Variants in GGACT observed in about 807,000 individuals in gnomAD.
GGACT encodes gamma-glutamylamine cyclotransferase.
For synonymous variants in GGACT, 118 were observed against 115.3 expected (o/e 1.02, Z -0.15); for missense variants, 241 against 233.2 (o/e 1.03, Z -0.22).
chr13:100,577,791 A>G (rs1031970547), intron 2 of GGACT, among the ~76,000 whole-genome samples: 1 of 152,014 alleles, frequency 6.6e-6, no homozygotes, highest in Admixed American at 6.6e-5. Context: ...GGGAAAAAAA[A>G]GAGAGAAAGG....
chr13:100,548,621 C>T (rs1411088874), intron 2 of GGACT, among the ~76,000 whole-genome samples: 1 of 152,192 alleles, frequency 6.6e-6, no homozygotes. Flanking sequence ...AGGATCAAGT[C>T]CCCTGGAGAG....
chr13:100,573,189 C>T (rs1469321107), intron 2 of GGACT, among the ~76,000 whole-genome samples: 1 of 152,178 alleles, frequency 6.6e-6, no homozygotes, highest in Non-Finnish European at 1.5e-5. Context: ...TAGCTCTCCA[C>T]AAGTCCTTAC....
intron 2 of GGACT, chr13:100,539,726 T>A: frequency 1.6e-6 from 1 of 610,122 alleles, no homozygotes; most frequent in Non-Finnish European, 2.9e-6. Context: ...TGTTCCTTCT[T>A]CTTCATTCTT....
At chr13:100,533,283 A>T (rs1278765187) in intron 2 of GGACT, 2 of 153,406 alleles carry the variant, frequency 1.3e-5, no homozygotes, top group Non-Finnish European at 2.9e-5. Context: ...AGCACAGCCC[A>T]TACCTTACTG....
At chr13:100,550,659 G>A (rs1202062285) in intron 2 of GGACT, among the ~76,000 whole-genome samples, 1 of 152,194 alleles carries the variant, frequency 6.6e-6, no homozygotes, top group Non-Finnish European at 1.5e-5. Flanking sequence ...CCACGCACAG[G>A]CCACTCCCGA....
At chr13:100,564,053 C>T (rs570486671) in intron 2 of GGACT, among the ~76,000 whole-genome samples, 6 of 152,278 alleles carry the variant, frequency 3.9e-5, no homozygotes, top group South Asian at 4.1e-4. Flanking sequence ...GGGCTCCCCA[C>T]GCCTGTTGAG....
chr13:100,557,406 T>A (rs1161041373), intron 2 of GGACT, among the ~76,000 whole-genome samples: 1 of 152,106 alleles, frequency 6.6e-6, no homozygotes, highest in Non-Finnish European at 1.5e-5. Context: ...ATTACTTCAA[T>A]TAAAAAACAA....
chr13:100,542,571 A>G (rs1348855556), intron 2 of GGACT, among the ~76,000 whole-genome samples: 2 of 152,192 alleles, frequency 1.3e-5, no homozygotes, highest in Admixed American at 1.3e-4. Flanking sequence ...GGCACTGAAC[A>G]TCTCTGCAGA....
intron 2 of GGACT, chr13:100,578,915 A>T (rs1382006448): frequency 6.6e-6 from 1 of 152,238 alleles, no homozygotes; most frequent in Non-Finnish European, 1.5e-5. Flanking sequence ...AGATGACAAC[A>T]GCAGGAAGAG....
intron 2 of GGACT, among the ~76,000 whole-genome samples, chr13:100,552,247 T>A (rs2088671137): frequency 6.6e-6 from 1 of 152,240 alleles, no homozygotes; most frequent in African/African-American, 2.4e-5. Flanking sequence ...ATTCACAAAC[T>A]GGGCCTCCAA....
At chr13:100,557,003 C>T (rs931693556) in intron 2 of GGACT, among the ~76,000 whole-genome samples, 1 of 152,100 alleles carries the variant, frequency 6.6e-6, no homozygotes, top group African/African-American at 2.4e-5. Context: ...GATTCTCATG[C>T]CTCAGCCTCC....
At chr13:100,539,591 T>C (rs1676512150) in intron 2 of GGACT, 1 of 398,206 alleles carries the variant, frequency 2.5e-6, no homozygotes, top group Admixed American at 4.2e-5. Flanking sequence ...AATGTGTTGT[T>C]GAATTCTGTT....
At chr13:100,560,336 A>T (rs971458007) in intron 2 of GGACT, among the ~76,000 whole-genome samples, 5 of 152,220 alleles carry the variant, frequency 3.3e-5, no homozygotes, top group African/African-American at 9.6e-5. Flanking sequence ...AAGTCCTTTG[A>T]TCCCCCAGGA....
At chr13:100,543,238 C>T (rs779696937) in intron 2 of GGACT, among the ~76,000 whole-genome samples, 19 of 92,400 alleles carry the variant, frequency 2.1e-4, no homozygotes, top group Admixed American at 3.4e-4. Flanking sequence ...GACGGAGTGT[C>T]GCTCTGTCAC....
intron 2 of GGACT, among the ~76,000 whole-genome samples, chr13:100,555,984 C>T (rs922208305): frequency 1.1e-4 from 17 of 152,270 alleles, no homozygotes; most frequent in African/African-American, 3.4e-4. Context: ...AGGACATCCT[C>T]GATCTACTAA....
intron 1 of GGACT, among the ~76,000 whole-genome samples, chr13:100,585,109 C>G (rs1051459364): frequency 6.6e-6 from 1 of 152,282 alleles, no homozygotes; most frequent in African/African-American, 2.4e-5. Context: ...AGAAGCAAGC[C>G]AAACCACACT....
chr13:100,555,222 A>G (rs561358275), intron 2 of GGACT, among the ~76,000 whole-genome samples: 2 of 152,318 alleles, frequency 1.3e-5, no homozygotes, highest in South Asian at 2.1e-4. Flanking sequence ...AATCAAAGAC[A>G]TTGGTAGAAA....
At chr13:100,544,361 C>T (rs565137831) in intron 2 of GGACT, among the ~76,000 whole-genome samples, 2 of 152,340 alleles carry the variant, frequency 1.3e-5, no homozygotes, top group East Asian at 1.9e-4. Flanking sequence ...CTCGGGGCAA[C>T]GTGCCAGGGA....
intron 2 of GGACT, chr13:100,541,916 A>AATAAT (rs760477117): frequency 4.6e-5 from 7 of 152,254 alleles, no homozygotes; most frequent in Non-Finnish European, 1.0e-4. Flanking sequence ...CATAACATAA[A>AATAAT]GTTAGTTTGA....
Sources: gnomAD v4.1 joint callset for allele counts (sites outside exome capture counted in the v4.1 genomes callset) on GRCh38, gnomAD v4.1.1 for gene constraint, MANE v1.5 for transcripts, NCBI Gene and HGNC (gene_info 2026-07-23, HGNC 2026-07-21) for gene names.